CHAT: variants seen among roughly 807,000 people sequenced by gnomAD.
The protein encoded by CHAT is choline O-acetyltransferase.
Under a neutral mutation model 76.9 loss-of-function variants are expected in CHAT, and 61 were observed. That is an observed-to-expected ratio of 0.79 (90% CI 0.65 to 0.98). The LOEUF is 0.98. Ranked by LOEUF, CHAT falls within the 50% of genes least tolerant of loss-of-function variation. CHAT has a pLI of 0.00. For missense variants in CHAT, 946 were observed against 986.9 expected (o/e 0.96, Z 0.56); for synonymous variants, 407 against 397.4 (o/e 1.02, Z -0.29).
intron 5 of CHAT, 65 bp downstream of exon 5, chr10:49,622,215 G>T: frequency 6.5e-7 from 1 of 1,540,046 alleles, no homozygotes; most frequent in Non-Finnish European, 9.0e-7. Flanking sequence ...TCCCTTGCAG[G>T]GACCTTGTCT....
chr10:49,652,139 TG>T, intron 11 of CHAT, 133 bp downstream of exon 11: 2 of 1,233,368 alleles, frequency 1.6e-6, no homozygotes, highest in East Asian at 4.9e-5. Flanking sequence ...GGACTGAGGC[TG>T]CATGAAGGAG....
chr10:49,613,684 T>TGG (rs1353366068), upstream of CHAT, among the ~76,000 whole-genome samples: 1 of 151,732 alleles, frequency 6.6e-6, no homozygotes, highest in African/African-American at 2.4e-5. Flanking sequence ...CTATCTGGGG[T>TGG]GGGGGATGCT....
chr10:49,639,342 T>C (rs1839399978), intron 7 of CHAT, among the ~76,000 whole-genome samples: 2 of 152,108 alleles, frequency 1.3e-5, no homozygotes, highest in Admixed American at 1.3e-4. Context: ...CATATGAAAA[T>C]GTTTTGATTT....
Position 49,620,986 on chromosome 10 carries a change from G to A in CHAT, c.698+373G>A, listed in dbSNP as rs548165800. ...CCCCAGGCTGTCTGAGAGGGCCTCTGCTTCCTTCCAGAGCCCCCAGCTCTA... is the reference window on the plus strand; with the variant it reads ...CCCCAGGCTGTCTGAGAGGGCCTCTACTTCCTTCCAGAGCCCCCAGCTCTA... On this transcript the variant is annotated intron_variant, in intron 4 of 14. Coordinates refer to ENST00000337653, the MANE Select transcript of CHAT (RefSeq NM_020549.5). Among the ~76,000 whole-genome samples, 5 of 152,316 alleles carry A rather than the reference G, an allele frequency of 3.3e-5. No individual in the cohort carries two copies. The East Asian group carries it at 7.7e-4, about 24-fold the overall frequency.
At position 49,639,932 on chromosome 10, in the gene CHAT, T is replaced by C. The variant is rs540976503; in HGVS notation, c.1112-6573T>C. 3.3e-5 allele frequency among the ~76,000 whole-genome samples: 5 copies of C among 152,320 alleles called. No homozygotes were observed. In the South Asian group the frequency reaches 8.3e-4, roughly 25 times the overall value. On this transcript the variant is annotated intron_variant, in intron 7 of 14. Coordinates refer to ENST00000337653, the MANE Select transcript of CHAT (RefSeq NM_020549.5). Reference sequence around the variant, plus strand: ...AGTGTTATTCCGTCTTCAAGTTCACTGATTCTTTTCTCTCCTCCCTAGGTT... The same window carrying C: ...AGTGTTATTCCGTCTTCAAGTTCACCGATTCTTTTCTCTCCTCCCTAGGTT...
intron 13 of CHAT, among the ~76,000 whole-genome samples, chr10:49,661,775 C>A (rs545798237): frequency 2.6e-5 from 4 of 152,110 alleles, no homozygotes; most frequent in Non-Finnish European, 4.4e-5. Context: ...GTCCAAAAAA[C>A]CAGTGTGCAT....
chr10:49,631,143 C>T (rs537763811), intron 7 of CHAT, among the ~76,000 whole-genome samples: 1 of 152,258 alleles, frequency 6.6e-6, no homozygotes, highest in African/African-American at 2.4e-5. Context: ...AACGGTCATG[C>T]TGGAATCTGA....
chr10:49,636,495 GTATT>G, intron 7 of CHAT, among the ~76,000 whole-genome samples: 1 of 152,184 alleles, frequency 6.6e-6, no homozygotes, highest in East Asian at 1.9e-4. Context: ...TTGTTGTACT[GTATT>G]TATCTTCTTT....
At chr10:49,632,231 C>G (rs958361054) in intron 7 of CHAT, among the ~76,000 whole-genome samples, 4 of 152,120 alleles carry the variant, frequency 2.6e-5, no homozygotes, top group African/African-American at 9.7e-5. Context: ...GGGAATGGCC[C>G]GTCTGAGACA....
Position 49,625,624 on chromosome 10 carries a change from G to C in CHAT, c.904G>C (p.Glu302Gln), listed in dbSNP as rs746255012. ...AQNSSIMPEP[E>Q]HVIVACCNQF... is the part of the protein sequence containing the mutation. ...GAACAGCAGCATCATGCCGGAGCCT[G>C]AGCACGTCATCGTAGCCTGCTGCAA... Residue 302 changes from glutamate to glutamine, a missense_variant, in exon 6 of 15, where the codon GAG (glutamate) becomes CAG (glutamine). Coordinates refer to ENST00000337653, the MANE Select transcript of CHAT (RefSeq NM_020549.5). 6.3e-7 allele frequency: 1 copy of C among 1,588,878 alleles called. No individual in the cohort carries two copies. Among genetic ancestry groups the C allele is most frequent in the Admixed American group, 1.8e-5 (1 of 56,150 alleles).
Position 49,614,429 on chromosome 10 carries a change from G to T in CHAT, c.240G>T (p.Glu80Asp). The T allele has an allele frequency of 3.2e-6, 5 of 1,547,834 alleles. No homozygotes were observed. The highest frequency in any genetic ancestry group is 4.4e-6 in the Non-Finnish European group (5 of 1,146,816). The change falls in exon 1 of 15, where the codon GAG (glutamate) becomes GAT (aspartate). Residue 80 changes from glutamate (E) to aspartate (D), a missense_variant. Glu to Asp is a conservative substitution (Grantham distance 45, BLOSUM62 2). Around this residue, in one of 3 missense-constraint regions of CHAT, gnomAD observed 548 missense variants for 516.2 expected, o/e 1.06. Coordinates refer to ENST00000337653, the MANE Select transcript of CHAT (RefSeq NM_020549.5). ...CTCACACCCCCGCCCACACTCCTGA[G>T]TGGTGCGGTGCAGCGTCGGCCGAGG... ...LPAHTPAHTPEWCGAASAEAA... is the reference protein window; with the variant it reads ...LPAHTPAHTPDWCGAASAEAA...
Position 49,648,572 on chromosome 10 carries a change from C to T in CHAT, c.1347C>T (p.Val449=), listed in dbSNP as rs1055036701. 6.2e-7 allele frequency: 1 copy of T among 1,613,952 alleles called. No homozygotes were observed. Among genetic ancestry groups the T allele is most frequent in the Admixed American group, 1.7e-5 (1 of 60,026 alleles). The change falls in exon 9 of 15, where the codon GTC becomes GTT. Residue 449 remains valine, a synonymous_variant. Coordinates refer to ENST00000337653, the MANE Select transcript of CHAT (RefSeq NM_020549.5). ...AACACTCCCCATTCGATGGCATCGT[C>T]CTGGTGCAGTGCACTGAGCATCTGC... is the stretch of plus-strand genomic sequence containing the variant. ...VCEHSPFDGI[V]LVQCTEHLLK...
intron 5 of CHAT, among the ~76,000 whole-genome samples, chr10:49,622,591 A>G (rs1838769643): frequency 1.3e-5 from 2 of 152,200 alleles, no homozygotes; most frequent in Non-Finnish European, 2.9e-5. Flanking sequence ...TGACAGATGG[A>G]GAGGGCTGCT....
upstream of CHAT, chr10:49,611,960 T>C (rs1475741179): frequency 6.2e-7 from 1 of 1,613,036 alleles, no homozygotes; most frequent in East Asian, 2.2e-5. Context: ...ACGCTCGCCT[T>C]CCTGGTGGAC....
intron 7 of CHAT, among the ~76,000 whole-genome samples, chr10:49,640,274 CTG>C: frequency 6.6e-6 from 1 of 152,126 alleles, no homozygotes; most frequent in African/African-American, 2.4e-5. Flanking sequence ...CGTGTTCAAA[CTG>C]AGATTTTCCT....
At chr10:49,651,305 G>A (rs766176255) in intron 10 of CHAT, among the ~76,000 whole-genome samples, 6 of 151,742 alleles carry the variant, frequency 4.0e-5, no homozygotes, top group Non-Finnish European at 8.8e-5. Context: ...AATACTTCAA[G>A]GAGAGGCAGG....
chr10:49,664,819 G>A lies in CHAT; in HGVS notation c.2020G>A (p.Val674Ile), dbSNP rs1380416788. ...TEMFCCYGPVVPNGYGACYNP... is the reference protein window; with the variant it reads ...TEMFCCYGPVIPNGYGACYNP... ...GATGTTCTGCTGCTATGGTCCTGTG[G>A]TCCCAAATGGGTATGGTGCCTGCTA... Residue 674 changes from valine (V) to isoleucine (I), a missense_variant, in exon 15 of 15, where the codon GTC becomes ATC. Val to Ile is a conservative substitution (Grantham distance 29, BLOSUM62 3). Coordinates refer to ENST00000337653, the MANE Select transcript of CHAT (RefSeq NM_020549.5). 3.7e-6 allele frequency: 6 copies of A among 1,614,038 alleles called. No homozygotes were observed. The African/African-American group carries it at 5.3e-5, about 14-fold the overall frequency.
rs1009757973 is a variant in CHAT, at chr10:49,667,169, C to T, written c.*2123C>T. Among the ~76,000 whole-genome samples, 16 of 152,160 alleles carry T rather than the reference C, an allele frequency of 1.1e-4. No homozygotes were observed. The highest frequency in any genetic ancestry group is 9.8e-4 in the Admixed American group (15 of 15,284). Reference sequence around the variant, plus strand: ...GCCTTTGTCTGGAGTCTGCCAGCAGCAGTAGCTAATGTCTAAAAGACACAG... The same window carrying T: ...GCCTTTGTCTGGAGTCTGCCAGCAGTAGTAGCTAATGTCTAAAAGACACAG... On this transcript the variant is annotated 3_prime_UTR_variant, in exon 15 of 15. Transcript: ENST00000337653.
chr10:49,655,654 T>C (rs1840013720), intron 13 of CHAT, among the ~76,000 whole-genome samples: 1 of 152,220 alleles, frequency 6.6e-6, no homozygotes, highest in Non-Finnish European at 1.5e-5. Flanking sequence ...ATGGATTTTA[T>C]AAGAATACAA....
Sources: allele counts gnomAD v4.1 joint callset (sites outside exome capture counted in the v4.1 genomes callset), GRCh38; gene constraint gnomAD v4.1.1; regional missense constraint gnomAD v4.1.1; transcripts MANE v1.5; gene names NCBI Gene and HGNC (gene_info 2026-07-23, HGNC 2026-07-21).